The following EXT2 variants were observed in gnomAD, a reference collection of about 807,000 sequenced individuals.
EXT2 encodes exostosin-2.
A neutral mutation model predicts 81.6 loss-of-function variants in EXT2; 53 were observed. That is an observed-to-expected ratio of 0.65 (90% confidence interval 0.52 to 0.82). The LOEUF (loss-of-function observed/expected upper bound fraction) is 0.82, where lower values mean the gene tolerates loss of function less well. EXT2 is among the 40% of genes least tolerant of loss of function. The pLI is 0.00. For missense variants in EXT2, 774 were observed against 910.2 expected (o/e 0.85, Z 1.93); for synonymous variants, 320 against 340.0 (o/e 0.94, Z 0.65).
At chr11:44,203,210 G>C (rs12280077) in intron 9 of EXT2, among the ~76,000 whole-genome samples, 86,331 of 152,006 alleles carry the variant, frequency 0.57, 25,014 homozygotes, top group Middle Eastern at 0.71. Context: ...GTTCATTCTG[G>C]AGACAGAAAC....
At chr11:44,175,385 CTTTTTCTTTTTTTTT>C (rs1045947170) in intron 8 of EXT2, among the ~76,000 whole-genome samples, 2 of 150,360 alleles carry the variant, frequency 1.3e-5, no homozygotes, top group African/African-American at 2.4e-5. Context: ...TCTTTTTTTT[CTTTTTCTTTTTTTTT>C]TTTCCTGTTC....
At chr11:44,241,458 CA>C (rs982008856) in intron 13 of EXT2, among the ~76,000 whole-genome samples, 1 of 152,112 alleles carries the variant, frequency 6.6e-6, no homozygotes, top group African/African-American at 2.4e-5. Flanking sequence ...ATAGGTTCAA[CA>C]AATATTTATT....
intron 7 of EXT2, among the ~76,000 whole-genome samples, chr11:44,152,925 G>A (rs1160389265): frequency 6.6e-6 from 1 of 152,186 alleles, no homozygotes. Context: ...CTTGATGACT[G>A]TAGCTTTATT....
intron 5 of EXT2, 128 bp downstream of exon 5, chr11:44,125,112 C>A: frequency 1.1e-6 from 1 of 875,350 alleles, no homozygotes; most frequent in Non-Finnish European, 1.8e-6. Context: ...GAAAACATAG[C>A]ATTGCTCTTT....
intron 4 of EXT2, among the ~76,000 whole-genome samples, chr11:44,118,684 G>A (rs1954257648): frequency 6.6e-6 from 1 of 152,118 alleles, no homozygotes; most frequent in Admixed American, 6.6e-5. Context: ...TTCACGGACA[G>A]AAGAAACTGA....
At chr11:44,155,861 C>A (rs1954849581) in intron 7 of EXT2, among the ~76,000 whole-genome samples, 1 of 152,132 alleles carries the variant, frequency 6.6e-6, no homozygotes, top group Non-Finnish European at 1.5e-5. Context: ...TTTCTTATTG[C>A]TTGTTAACAT....
intron 8 of EXT2, among the ~76,000 whole-genome samples, chr11:44,185,991 G>A (rs753578654): frequency 1.3e-5 from 2 of 152,160 alleles, no homozygotes; most frequent in African/African-American, 2.4e-5. Flanking sequence ...AACATTGTTG[G>A]ACACTTTGTC....
intron 8 of EXT2, among the ~76,000 whole-genome samples, chr11:44,192,781 GCCCTCTGTTAAATATCTCTATAAAAT>G (rs1488404508): frequency 6.6e-6 from 1 of 152,160 alleles, no homozygotes; most frequent in East Asian, 1.9e-4. Context: ...CCAGATTAAA[GCCCTCTGTTAAATATCTCTATAAAAT>G]CCTACACTTC....
intron 10 of EXT2, among the ~76,000 whole-genome samples, chr11:44,210,225 C>A (rs1442659912): frequency 6.6e-6 from 1 of 152,060 alleles, no homozygotes; most frequent in East Asian, 1.9e-4. Context: ...TTGTAATAGG[C>A]AAAAATTGGA....
At chr11:44,211,509 T>C (rs1469997122) in intron 10 of EXT2, among the ~76,000 whole-genome samples, 3 of 152,172 alleles carry the variant, frequency 2.0e-5, no homozygotes, top group East Asian at 3.9e-4. Context: ...CATTATGCTA[T>C]CTAGAGGGCA....
In EXT2 at chr11:44,240,955, C is replaced by G. The variant is rs576192668; in HGVS notation, c.2019-3194C>G. Among the ~76,000 whole-genome samples, 17 of 152,348 alleles carry G rather than the reference C, an allele frequency of 1.1e-4. No individual in the cohort carries two copies. In the South Asian group the frequency reaches 3.1e-3, roughly 28 times the overall value. ...GAGTAGCTGGGATTATAAATATGAG[C>G]CACCATGCCCAGCTGTTTTATTTTT... On this transcript the variant is annotated intron_variant, in intron 13 of 13. Coordinates refer to ENST00000533608, the MANE Select transcript of EXT2 (RefSeq NM_207122.2).
At position 44,248,739 on chromosome 11, in the gene EXT2, G is replaced by C. The variant is rs1426083460; in HGVS notation, c.*4452G>C. Among the ~76,000 whole-genome samples the C allele has an allele frequency of 6.6e-6, 1 of 152,184 alleles. No individual in the cohort carries two copies. Among genetic ancestry groups the C allele is most frequent in the Non-Finnish European group, 1.5e-5 (1 of 68,024 alleles). The stretch of plus-strand genomic sequence containing the variant: ...TTAAATGGACTGTTAGGGATGCCCA[G>C]CTTCCCCAATTTCCTGGGAGGGTGT... On this transcript the variant is annotated 3_prime_UTR_variant, in exon 14 of 14. Transcript: ENST00000533608.
intron 8 of EXT2, among the ~76,000 whole-genome samples, chr11:44,187,728 C>T (rs1324743464): frequency 1.3e-5 from 2 of 152,100 alleles, no homozygotes; most frequent in Non-Finnish European, 2.9e-5. Flanking sequence ...TGTATTTTCT[C>T]TTGTTTATTC....
chr11:44,117,013 A>G (rs1954231269), intron 4 of EXT2, among the ~76,000 whole-genome samples: 2 of 142,390 alleles, frequency 1.4e-5, no homozygotes, highest in South Asian at 4.3e-4. Context: ...CTTGTTGCCC[A>G]AGCTGGAGTG....
chr11:44,175,391 C>CT lies in EXT2; in HGVS notation c.1305+3661dup, dbSNP rs1183606509. Among the ~76,000 whole-genome samples, 181 of 143,984 alleles carry CT rather than the reference C, an allele frequency of 1.3e-3. 1 individual carries two copies. The highest frequency in any genetic ancestry group is 2.9e-3 in the South Asian group (13 of 4,498). 94.5% of individuals were successfully genotyped at this position (143,984 alleles called of 152,430 possible). On this transcript the variant is annotated intron_variant, in intron 8 of 13. Coordinates refer to ENST00000533608, the MANE Select transcript of EXT2 (RefSeq NM_207122.2). Reference sequence around the variant, plus strand: ...CTTTTTTTTTCTTTTTTTTCTTTTTCTTTTTTTTTTTTCCTGTTCTCTTTC... The same window carrying CT: ...CTTTTTTTTTCTTTTTTTTCTTTTTCTTTTTTTTTTTTTCCTGTTCTCTTTC...
At chr11:44,215,753 A>G (rs1402331776) in intron 10 of EXT2, among the ~76,000 whole-genome samples, 1 of 152,230 alleles carries the variant, frequency 6.6e-6, no homozygotes, top group Non-Finnish European at 1.5e-5. Flanking sequence ...AATGGTTTAA[A>G]TACAGTATTT....
chr11:44,101,389 C>A (rs959125472), intron 1 of EXT2, among the ~76,000 whole-genome samples: 1 of 152,162 alleles, frequency 6.6e-6, no homozygotes, highest in Non-Finnish European at 1.5e-5. Context: ...GTTGTTACAG[C>A]TGGAGGTTGC....
chr11:44,185,591 G>T (rs568839526), intron 8 of EXT2, among the ~76,000 whole-genome samples: 8 of 152,230 alleles, frequency 5.3e-5, no homozygotes, highest in Admixed American at 3.9e-4. Flanking sequence ...GAATTCCAGA[G>T]AAATTAATAT....
chr11:44,174,568 C>A (rs72903915), intron 8 of EXT2, among the ~76,000 whole-genome samples: 8,833 of 151,876 alleles, frequency 0.058, 271 homozygotes, highest in Middle Eastern at 0.095. Flanking sequence ...CACATTTTGA[C>A]TTTTGTAAAT....
Sources: allele counts gnomAD v4.1 joint callset (sites outside exome capture counted in the v4.1 genomes callset), GRCh38; gene constraint gnomAD v4.1.1; transcripts MANE v1.5; gene names NCBI Gene and HGNC (gene_info 2026-07-23, HGNC 2026-07-21).